Variants in PDZRN4 observed in about 807,000 individuals in gnomAD.
PDZRN4 encodes the protein PDZ domain containing ring finger 4.
PDZRN4 carries 70 observed loss-of-function variants against 99.0 expected under a neutral mutation model. The observed-to-expected ratio is 0.71, with a 90% confidence interval of 0.58 to 0.86. The LOEUF (loss-of-function observed/expected upper bound fraction) is 0.86. Among genes scored for constraint, PDZRN4 ranks in the 40% least tolerant of loss-of-function variants. The pLI, the probability that PDZRN4 is intolerant of heterozygous loss-of-function variation, is 0.00. For synonymous variants in PDZRN4, 551 were observed against 501.6 expected (o/e 1.10, Z -1.32); for missense variants, 1,474 against 1,331.2 (o/e 1.11, Z -1.67).
chr12:41,263,447 G>T (rs951959270), intron 3 of PDZRN4, among the ~76,000 whole-genome samples: 1 of 152,148 alleles, frequency 6.6e-6, no homozygotes, highest in Admixed American at 6.5e-5. Context: ...AGCACTTTGG[G>T]TGGCCAAGGC....
At chr12:41,297,735 T>C (rs1023774132) in intron 3 of PDZRN4, among the ~76,000 whole-genome samples, 4 of 152,170 alleles carry the variant, frequency 2.6e-5, no homozygotes, top group East Asian at 1.9e-4. Flanking sequence ...GGAAAACAGC[T>C]CTCTATAACT....
intron 3 of PDZRN4, among the ~76,000 whole-genome samples, chr12:41,364,090 T>C (rs577033652): frequency 1.0e-3 from 153 of 152,222 alleles, no homozygotes; most frequent in African/African-American, 3.0e-3. Context: ...ATCATGGAGA[T>C]TTGATTGCCC....
chr12:41,564,718 A>G (rs1166687562), intron 8 of PDZRN4, among the ~76,000 whole-genome samples: 2 of 152,108 alleles, frequency 1.3e-5, no homozygotes, highest in African/African-American at 4.8e-5. Flanking sequence ...AGGTCTTAGG[A>G]GTGGGGAAAA....
intron 5 of PDZRN4, among the ~76,000 whole-genome samples, chr12:41,523,982 C>G (rs556300858): frequency 1.3e-5 from 2 of 152,228 alleles, no homozygotes; most frequent in Admixed American, 1.3e-4. Context: ...ATCATCACCA[C>G]AACCTATGCC....
intron 3 of PDZRN4, among the ~76,000 whole-genome samples, chr12:41,460,951 A>G (rs1239139495): frequency 6.6e-6 from 1 of 152,192 alleles, no homozygotes; most frequent in Non-Finnish European, 1.5e-5. Flanking sequence ...TCTGATCCCT[A>G]CATATACAAG....
intron 3 of PDZRN4, among the ~76,000 whole-genome samples, chr12:41,242,779 CGTT>C (rs540851089): frequency 3.7e-4 from 57 of 152,204 alleles, no homozygotes; most frequent in African/African-American, 1.3e-3. Flanking sequence ...TCCCTTAACA[CGTT>C]GGAGAGGATG....
At chr12:41,302,827 T>G (rs142593508) in intron 3 of PDZRN4, among the ~76,000 whole-genome samples, 22 of 152,096 alleles carry the variant, frequency 1.4e-4, no homozygotes, top group African/African-American at 5.3e-4. Flanking sequence ...CTAATCTAAG[T>G]GAACCTTAGA....
intron 3 of PDZRN4, among the ~76,000 whole-genome samples, chr12:41,200,368 C>T (rs866955250): frequency 3.9e-5 from 6 of 152,234 alleles, no homozygotes; most frequent in Non-Finnish European, 8.8e-5. Flanking sequence ...TGCCACATCA[C>T]TGAGACTTTA....
intron 5 of PDZRN4, among the ~76,000 whole-genome samples, chr12:41,546,316 A>G (rs1309345947): frequency 6.6e-6 from 1 of 152,186 alleles, no homozygotes; most frequent in Non-Finnish European, 1.5e-5. Flanking sequence ...CTTTTTATCT[A>G]GAGTCATGTT....
intron 7 of PDZRN4, among the ~76,000 whole-genome samples, chr12:41,561,960 G>T (rs146991938): frequency 5.9e-5 from 9 of 152,074 alleles, no homozygotes; most frequent in Non-Finnish European, 2.9e-5. Context: ...GAGAAAAAAG[G>T]CCTTGGAGTC....
chr12:41,507,832 T>A (rs1938234492), intron 4 of PDZRN4, among the ~76,000 whole-genome samples: 1 of 151,658 alleles, frequency 6.6e-6, no homozygotes, highest in Non-Finnish European at 1.5e-5. Flanking sequence ...ACAAATTGGA[T>A]GTGTCAGGGC....
intron 3 of PDZRN4, among the ~76,000 whole-genome samples, chr12:41,230,533 G>A (rs545321561): frequency 1.3e-5 from 2 of 152,040 alleles, no homozygotes; most frequent in South Asian, 2.1e-4. Context: ...CTCTCCACTG[G>A]CATGTATCCC....
chr12:41,369,373 G>C (rs923787646), intron 3 of PDZRN4, among the ~76,000 whole-genome samples: 1 of 151,970 alleles, frequency 6.6e-6, no homozygotes, highest in Non-Finnish European at 1.5e-5. Flanking sequence ...TAGTCAAGTG[G>C]ATATATGATC....
chr12:41,419,385 G>A (rs866350871), intron 3 of PDZRN4, among the ~76,000 whole-genome samples: 5 of 152,072 alleles, frequency 3.3e-5, no homozygotes, highest in African/African-American at 4.8e-5. Flanking sequence ...GAGCTGGGTC[G>A]GCTTAGAACA....
chr12:41,317,688 C>T (rs982991348), intron 3 of PDZRN4, among the ~76,000 whole-genome samples: 3 of 152,028 alleles, frequency 2.0e-5, no homozygotes, highest in African/African-American at 4.8e-5. Flanking sequence ...TTATAATGAA[C>T]ATTGTCCCTA....
At chr12:41,191,634 G>A (rs1259054765) in intron 2 of PDZRN4, 90 bp downstream of exon 2, 1 of 610,158 alleles carries the variant, frequency 1.6e-6, no homozygotes, top group African/African-American at 1.9e-5. Flanking sequence ...AGAGGACTTA[G>A]CTTTTGTTTG....
intron 3 of PDZRN4, among the ~76,000 whole-genome samples, chr12:41,450,083 CA>C (rs754348460): frequency 1.9e-4 from 29 of 151,864 alleles, no homozygotes; most frequent in Non-Finnish European, 3.2e-4. Flanking sequence ...TCATATAAAA[CA>C]AAGAGTAGCC....
chr12:41,329,371 G>A (rs1951729613), intron 3 of PDZRN4, among the ~76,000 whole-genome samples: 1 of 152,090 alleles, frequency 6.6e-6, no homozygotes, highest in African/African-American at 2.4e-5. Context: ...ATATGTTGAT[G>A]CACTATGTTT....
chr12:41,234,216 T>C (rs906664137), intron 3 of PDZRN4, among the ~76,000 whole-genome samples: 1 of 152,100 alleles, frequency 6.6e-6, no homozygotes, highest in Non-Finnish European at 1.5e-5. Context: ...TGGCAAGTAT[T>C]GAAACCTGTA....
Sources: gnomAD v4.1 joint callset for allele counts (sites outside exome capture counted in the v4.1 genomes callset) on GRCh38, gnomAD v4.1.1 for gene constraint, MANE v1.5 for transcripts, NCBI Gene and HGNC (gene_info 2026-07-23, HGNC 2026-07-21) for gene names.